Variants in SRBD1 observed in about 807,000 individuals in gnomAD.
SRBD1 encodes the protein S1 RNA binding domain 1, also known as S1 RNA-binding domain-containing protein 1.
SRBD1 carries 88 observed loss-of-function variants against 115.3 expected under a neutral mutation model. That is an observed-to-expected ratio of 0.76 (90% confidence interval 0.64 to 0.91). The LOEUF (loss-of-function observed/expected upper bound fraction) is 0.91, where lower values mean the gene tolerates loss of function less well. Among genes scored for constraint, SRBD1 ranks in the 40% least tolerant of loss-of-function variants. SRBD1 has a pLI of 0.00. For missense variants in SRBD1, 1,385 were observed against 1,177.4 expected (o/e 1.18, Z -2.58); for synonymous variants, 509 against 407.7 (o/e 1.25, Z -2.99).
At chr2:45,538,460 G>A (rs1167294227) in intron 14 of SRBD1, among the ~76,000 whole-genome samples, 1 of 152,164 alleles carries the variant, frequency 6.6e-6, no homozygotes, top group Non-Finnish European at 1.5e-5. Flanking sequence ...TGCAAATCCC[G>A]ATAGTGAAGT....
intron 14 of SRBD1, among the ~76,000 whole-genome samples, chr2:45,496,561 C>G (rs1487744529): frequency 6.6e-6 from 1 of 152,074 alleles, no homozygotes; most frequent in Non-Finnish European, 1.5e-5. Flanking sequence ...TTACCTATAG[C>G]TGAATAAAGT....
intron 16 of SRBD1, among the ~76,000 whole-genome samples, chr2:45,436,251 G>T (rs775741099): frequency 6.6e-6 from 1 of 152,036 alleles, no homozygotes; most frequent in Non-Finnish European, 1.5e-5. Flanking sequence ...GAACAAACGG[G>T]AAACATCCTC....
At chr2:45,546,359 A>AC in intron 14 of SRBD1, 1 of 985,356 alleles carries the variant, frequency 1.0e-6, no homozygotes, top group Non-Finnish European at 1.2e-6. Context: ...TAGGCTTCAA[A>AC]GCTTTGGGAG....
At chr2:45,497,117 G>C (rs1057124403) in intron 14 of SRBD1, among the ~76,000 whole-genome samples, 6 of 152,138 alleles carry the variant, frequency 3.9e-5, no homozygotes, top group African/African-American at 1.4e-4. Context: ...ATATTTAGGA[G>C]ACATAATTCC....
chr2:45,458,234 T>C (rs1273737073), intron 16 of SRBD1, among the ~76,000 whole-genome samples: 1 of 152,086 alleles, frequency 6.6e-6, no homozygotes, highest in African/African-American at 2.4e-5. Flanking sequence ...GAGAGAAACT[T>C]TTCCATTCTG....
chr2:45,463,670 ATTG>A (rs1669393576), intron 16 of SRBD1, among the ~76,000 whole-genome samples: 1 of 152,196 alleles, frequency 6.6e-6, no homozygotes, highest in Non-Finnish European at 1.5e-5. Flanking sequence ...TACATCCAAG[ATTG>A]TTAGTGTGCC....
intron 13 of SRBD1, among the ~76,000 whole-genome samples, chr2:45,547,128 C>A (rs1417562263): frequency 6.6e-6 from 1 of 152,138 alleles, no homozygotes; most frequent in Non-Finnish European, 1.5e-5. Flanking sequence ...TAAGTCAACT[C>A]TGGAGCATTC....
At chr2:45,550,181 T>C (rs1411639047) in intron 12 of SRBD1, among the ~76,000 whole-genome samples, 1 of 151,874 alleles carries the variant, frequency 6.6e-6, no homozygotes, top group East Asian at 1.9e-4. Context: ...CATAGCAGGA[T>C]AGAGGATTAA....
intron 16 of SRBD1, among the ~76,000 whole-genome samples, chr2:45,462,888 T>C (rs1012586931): frequency 2.6e-5 from 4 of 151,126 alleles, no homozygotes; most frequent in African/African-American, 7.4e-5. Context: ...AAATAGATTT[T>C]TTAAGGTTAG....
At chr2:45,597,576 C>G (rs1673942626) in intron 4 of SRBD1, among the ~76,000 whole-genome samples, 2 of 152,106 alleles carry the variant, frequency 1.3e-5, no homozygotes, top group Admixed American at 6.6e-5. Flanking sequence ...ATAACTCAAA[C>G]AGAGAAGCAG....
At chr2:45,543,332 T>C (rs754120166) in intron 14 of SRBD1, among the ~76,000 whole-genome samples, 32 of 152,312 alleles carry the variant, frequency 2.1e-4, no homozygotes, top group Middle Eastern at 3.4e-3. Flanking sequence ...GAGAAATGAA[T>C]GAGAGAAAAG....
At chr2:45,463,031 G>GGA (rs1669373109) in intron 16 of SRBD1, among the ~76,000 whole-genome samples, 1 of 65,328 alleles carries the variant, frequency 1.5e-5, no homozygotes, top group African/African-American at 9.8e-5. Flanking sequence ...GGGGGGGGGG[G>GGA]AAATCTCTCT....
At chr2:45,581,845 G>C (rs754888230) in intron 5 of SRBD1, 35 bp from the exon 6 acceptor site, 1 of 1,523,428 alleles carries the variant, frequency 6.6e-7, no homozygotes, top group Non-Finnish European at 9.0e-7. Context: ...TACCAAAACT[G>C]TATGTCAAAA....
At chr2:45,419,642 C>T in intron 17 of SRBD1, 146 bp downstream of exon 17, 1 of 631,524 alleles carries the variant, frequency 1.6e-6, no homozygotes, top group East Asian at 2.8e-5. Flanking sequence ...ATGTCTTCCC[C>T]TCTGATTACT....
At chr2:45,423,347 T>C (rs1265119034) in intron 16 of SRBD1, among the ~76,000 whole-genome samples, 1 of 152,186 alleles carries the variant, frequency 6.6e-6, no homozygotes, top group Non-Finnish European at 1.5e-5. Context: ...GGAGGATTTA[T>C]TTTATATGGT....
Position 45,418,350 on chromosome 2 carries a change from T to C in SRBD1, c.2333+15A>G, listed in dbSNP as rs1411972263. The C allele has an allele frequency of 6.2e-7, 1 of 1,610,474 alleles. No homozygotes were observed. The highest frequency in any genetic ancestry group is 2.2e-5 in the East Asian group (1 of 44,824). ...GGAGGTTGACAATAGAATCAAAGTG[T>C]ATACTTATACTCACCTGCAAAACGT... is the stretch of plus-strand genomic sequence containing the variant. On this transcript the variant is annotated intron_variant, in intron 18 of 20. Coordinates refer to ENST00000263736, the MANE Select transcript of SRBD1 (RefSeq NM_018079.5).
chr2:45,599,530 A>T lies in SRBD1; in HGVS notation c.567T>A (p.Tyr189Ter). Reference protein sequence around the residue: ...SALKKIKTETYPQGQPVKFPA... With the variant: ...SALKKIKTET ...GAAACTTGACAGGCTGCCCCTGAGG[A>T]TATGTCTCAGTCTTGATTTTCTTTA... is the stretch of plus-strand genomic sequence containing the variant. Residue 189 changes from tyrosine (Y) to a stop codon, truncating the protein, a stop_gained, in exon 4 of 21, where the codon TAT becomes TAA. Coordinates refer to ENST00000263736, the MANE Select transcript of SRBD1 (RefSeq NM_018079.5). LOFTEE classifies it high-confidence loss of function. 6.2e-7 allele frequency: 1 copy of T among 1,614,158 alleles called. No homozygotes were observed.
At chr2:45,447,661 A>G (rs1668866832) in intron 16 of SRBD1, 1 of 152,358 alleles carries the variant, frequency 6.6e-6, no homozygotes, top group South Asian at 2.1e-4. Context: ...ATATATTTGA[A>G]GAATAGCCAT....
chr2:45,555,475 C>T (rs1322510968), intron 10 of SRBD1, among the ~76,000 whole-genome samples: 2 of 149,586 alleles, frequency 1.3e-5, no homozygotes, highest in African/African-American at 4.9e-5. Flanking sequence ...CAGTGCCCTG[C>T]AATCATTAAA....
Sources: gnomAD v4.1 joint callset for allele counts (sites outside exome capture counted in the v4.1 genomes callset) on GRCh38, gnomAD v4.1.1 for gene constraint, MANE v1.5 for transcripts, NCBI Gene and HGNC (gene_info 2026-07-23, HGNC 2026-07-21) for gene names.